MINDY1: variants seen among roughly 807,000 people sequenced by gnomAD.
MINDY1 encodes the protein ubiquitin carboxyl-terminal hydrolase MINDY-1.
MINDY1 carries 50 observed loss-of-function variants against 53.6 expected under a neutral mutation model. The ratio of observed to expected loss-of-function variants is 0.93; its 90% CI spans 0.74 to 1.18. The LOEUF (loss-of-function observed/expected upper bound fraction) is 1.18, where lower values mean the gene tolerates loss of function less well. Among genes scored for constraint, MINDY1 ranks in the 50% most tolerant of loss-of-function variants. The pLI is 0.00. For synonymous variants in MINDY1, 231 were observed against 234.7 expected, an observed-to-expected ratio of 0.98 and a Z score of 0.14; for missense variants, 484 against 578.6, an observed-to-expected ratio of 0.84 and a Z score of 1.68.
chr1:150,997,384 A>AG lies in MINDY1; in HGVS notation c.1330-18_1330-17insC. The stretch of plus-strand genomic sequence containing the variant: ...TCCTCTCCCCTGTATCGGATTTAAC[A>AG]ATTGGTCACTGAACTTCCTTGGAAG... On this transcript the variant is annotated splice_polypyrimidine_tract_variant and intron_variant, in intron 9 of 9. Coordinates refer to ENST00000683666, the MANE Select transcript of MINDY1 (RefSeq NM_001376665.1). 6.3e-7 allele frequency: 1 copy of AG among 1,590,624 alleles called. No homozygotes were observed. Among genetic ancestry groups the AG allele is most frequent in the Non-Finnish European group, 8.6e-7 (1 of 1,166,726 alleles).
rs1489677087 is a variant in MINDY1 at position 151,005,273 on chromosome 1, G to A, written c.-90+1039C>T. On this transcript the variant is annotated intron_variant, in intron 1 of 9. Coordinates refer to ENST00000683666, the MANE Select transcript of MINDY1 (RefSeq NM_001376665.1). ...TCAAGATCGGCCTGGCTAACATGGCGAAACCCCATCTCTACTAAAAATACA... is the reference window on the plus strand; with the variant it reads ...TCAAGATCGGCCTGGCTAACATGGCAAAACCCCATCTCTACTAAAAATACA... 2.0e-5 allele frequency among the ~76,000 whole-genome samples: 3 copies of A among 151,960 alleles called. No individual in the cohort carries two copies. The East Asian group carries it at 5.8e-4, about 29-fold the overall frequency.
chr1:150,997,367 C>T lies in MINDY1; in HGVS notation c.1330G>A (p.Gly444Arg), dbSNP rs1435356031. Residue 444 changes from glycine (G) to arginine (R), a missense_variant and splice_region_variant, in exon 10 of 10, where the codon GGG becomes AGG. Coordinates refer to ENST00000683666, the MANE Select transcript of MINDY1 (RefSeq NM_001376665.1). The part of the protein sequence containing the change: ...RMRTRVLSLQ[G>R]RGATSGRPAG... ...GGGCGTCCAGATGTGGCTCCTCTCCCCTGTATCGGATTTAACAATTGGTCA... is the reference window on the plus strand; with the variant it reads ...GGGCGTCCAGATGTGGCTCCTCTCCTCTGTATCGGATTTAACAATTGGTCA... 1 of 1,597,922 alleles carries T rather than the reference C, an allele frequency of 6.3e-7. No homozygotes were observed. Among genetic ancestry groups the T allele is most frequent in the Non-Finnish European group, 8.5e-7 (1 of 1,170,868 alleles).
In MINDY1 at chr1:150,997,684, C is replaced by T. The variant is rs746673413; in HGVS notation, c.1269G>A (p.Glu423=). The T allele has an allele frequency of 7.4e-6, 12 of 1,613,432 alleles. No homozygotes were observed. The highest frequency in any genetic ancestry group is 2.7e-5 in the African/African-American group (2 of 74,956). The change falls in exon 9 of 10, where the codon GAG becomes GAA. Residue 423 remains glutamate, a synonymous_variant. Transcript: ENST00000683666. Reference sequence around the variant, plus strand: ...GCTGCGCTGCCTGCTGCTGTTGATACTCCTCTTGCTGAAGCTGCTGGGCCA... The same window carrying T: ...GCTGCGCTGCCTGCTGCTGTTGATATTCCTCTTGCTGAAGCTGCTGGGCCA... ...LELAQQLQQE[E]YQQQQAAQPV...
rs1268390067 is a variant in MINDY1 at position 150,998,217 on chromosome 1, T to C, written c.1038A>G (p.Val346=). Residue 346 remains valine (V), a synonymous_variant, in exon 8 of 10, where the codon GTA becomes GTG. Coordinates refer to ENST00000683666, the MANE Select transcript of MINDY1 (RefSeq NM_001376665.1). ...CATCCACATTGTGCAGGCTCTCCCA[T>C]ACGACTTGCTCCTCCTGTAGAAAGC... ...DQGFLQEEQV[V]WESLHNVDGD... The C allele has an allele frequency of 3.1e-6, 5 of 1,614,178 alleles. No individual in the cohort carries two copies. Among genetic ancestry groups the C allele is most frequent in the Non-Finnish European group, 4.2e-6 (5 of 1,180,036 alleles).
intron 8 of MINDY1, 79 bp downstream of exon 8, chr1:150,998,003 C>CA (rs2102822378): frequency 6.9e-7 from 1 of 1,453,038 alleles, no homozygotes; most frequent in African/African-American, 1.4e-5. Flanking sequence ...CACATGGCCT[C>CA]TAGCAGTTAA....
chr1:151,008,317 G>A (rs1227774060), upstream of MINDY1: 2 of 1,310,206 alleles, frequency 1.5e-6, no homozygotes, highest in Non-Finnish European at 2.0e-6. Context: ...ACATTGCGGA[G>A]TTGCGGGACT....
At chr1:151,006,113 A>T (rs1340269619) in intron 1 of MINDY1, 199 bp downstream of exon 1, 2 of 1,551,464 alleles carry the variant, frequency 1.3e-6, no homozygotes, top group Non-Finnish European at 1.7e-6. Flanking sequence ...GGAGAGGGGG[A>T]AGGTTTCGTG....
chr1:151,008,147 G>T, upstream of MINDY1: 1 of 773,800 alleles, frequency 1.3e-6, no homozygotes, highest in Non-Finnish European at 1.6e-6. Context: ...CATTTAAAAT[G>T]TCACCAGATG....
chr1:151,002,760 T>A lies in MINDY1; in HGVS notation c.-89-54A>T. On this transcript the variant is annotated intron_variant, in intron 1 of 9. Coordinates refer to ENST00000683666, the MANE Select transcript of MINDY1 (RefSeq NM_001376665.1). This position sits in a 1 kb window ranked among gnomAD's most constrained non-coding sequence, Gnocchi z 4.1. Reference sequence around the variant, plus strand: ...TGGAAAGCAAACTAACCCAGAAAAGTCTTGGAAAAGGAATGTAGTGTAGAA... The same window carrying A: ...TGGAAAGCAAACTAACCCAGAAAAGACTTGGAAAAGGAATGTAGTGTAGAA... 6.7e-7 allele frequency: 1 copy of A among 1,502,982 alleles called. No homozygotes were observed. The allele number at this position is 1,502,982 out of a possible 1,614,324, so 93.1% of individuals were successfully genotyped here.
rs1183553007 is a variant in MINDY1 at position 150,999,348 on chromosome 1, C to T, written c.981+21G>A. On this transcript the variant is annotated intron_variant, in intron 7 of 9. Coordinates refer to ENST00000683666, the MANE Select transcript of MINDY1 (RefSeq NM_001376665.1). The surrounding 1 kb of genome is among the most constrained non-coding windows in gnomAD (Gnocchi z 4.4). ...CAGGAAATGACAGCACCGCAGCACG[C>T]CACCCCCAAACTCGCATTACCTTAT... 3 of 1,613,260 alleles carry T rather than the reference C, an allele frequency of 1.9e-6. No individual in the cohort carries two copies. In the Admixed American group the frequency reaches 5.0e-5, roughly 27 times the overall value.
Position 151,006,333 on chromosome 1 carries a change from C to A in MINDY1, c.-111G>T. 1 of 1,412,164 alleles carries A rather than the reference C, an allele frequency of 7.1e-7. No individual in the cohort carries two copies. The highest frequency in any genetic ancestry group is 9.2e-7 in the Non-Finnish European group (1 of 1,083,874). 87.5% of individuals were successfully genotyped at this position (1,412,164 alleles called of 1,614,324 possible). A position where few individuals can be genotyped will look rare whatever the true frequency, so the allele number is the denominator to read the frequency against. ...TTACCTTAAAGAAGGGGGTGCTGTTCCAAGATTGAGAAGGAGGGTTCAGCC... is the reference window on the plus strand; with the variant it reads ...TTACCTTAAAGAAGGGGGTGCTGTTACAAGATTGAGAAGGAGGGTTCAGCC... On this transcript the variant is annotated 5_prime_UTR_variant, in exon 1 of 10. Transcript: ENST00000683666.
intron 1 of MINDY1, 78 bp downstream of exon 1, chr1:151,006,234 T>A (rs1439357398): frequency 4.6e-6 from 7 of 1,528,214 alleles, no homozygotes; most frequent in Non-Finnish European, 8.8e-7. Context: ...ACAGCAGGTG[T>A]CAGCTCCCCA....
intron 7 of MINDY1, among the ~76,000 whole-genome samples, chr1:150,998,695 G>T (rs994317375): frequency 1.3e-5 from 2 of 152,168 alleles, no homozygotes; most frequent in African/African-American, 2.4e-5. Context: ...TGTGGCCTTG[G>T]GGGGAAGAAA....
At position 150,997,260 on chromosome 1, in the gene MINDY1, G is replaced by T; in HGVS notation, c.*27C>A. ...CTAGCCATAGCCTCTGGAAGAAGGG[G>T]CAGGCCAGCCTGGCACTGGGGCAGA... On this transcript the variant is annotated 3_prime_UTR_variant, in exon 10 of 10. Transcript: ENST00000683666. 3 of 1,566,178 alleles carry T rather than the reference G, an allele frequency of 1.9e-6. No individual in the cohort carries two copies. Among genetic ancestry groups the T allele is most frequent in the Non-Finnish European group, 2.6e-6 (3 of 1,153,562 alleles).
At chr1:150,998,655 C>T (rs1672161777) in intron 7 of MINDY1, among the ~76,000 whole-genome samples, 2 of 152,320 alleles carry the variant, frequency 1.3e-5, no homozygotes, top group Non-Finnish European at 1.5e-5. Flanking sequence ...CGCACCCGGA[C>T]CCTGAGCATG....
Position 151,004,472 on chromosome 1 carries a change from G to A in MINDY1, c.-89-1766C>T, listed in dbSNP as rs1037014779. 5.3e-5 allele frequency among the ~76,000 whole-genome samples: 8 copies of A among 151,588 alleles called. 1 individual carries two copies. Among genetic ancestry groups the A allele is most frequent in the Admixed American group, 3.9e-4 (6 of 15,194 alleles). On this transcript the variant is annotated intron_variant, in intron 1 of 9. Coordinates refer to ENST00000683666, the MANE Select transcript of MINDY1 (RefSeq NM_001376665.1). ...GGGCCAGGCGCGGTGGCTCACGCCT[G>A]TAATCCCAGCACTTTGAGAGGCTGA...
At position 150,999,762 on chromosome 1, in the gene MINDY1, A is replaced by C; in HGVS notation, c.838+100T>G. On this transcript the variant is annotated intron_variant, in intron 6 of 9. Transcript: ENST00000683666. The surrounding 1 kb of genome is among the most constrained non-coding windows in gnomAD (Gnocchi z 4.4). ...CCAAGCTCCTTCTTGTGAAGCTTAT[A>C]TCTAGTGGGATGTGGTAGGAGATGA... The C allele has an allele frequency of 8.8e-7, 1 of 1,138,806 alleles. No homozygotes were observed. Among genetic ancestry groups the C allele is most frequent in the Non-Finnish European group, 1.3e-6 (1 of 782,912 alleles). The allele number at this position is 1,138,806 out of a possible 1,614,324, so 70.5% of individuals were successfully genotyped here.
chr1:151,003,983 T>C (rs1319851633), intron 1 of MINDY1, among the ~76,000 whole-genome samples: 1 of 151,982 alleles, frequency 6.6e-6, no homozygotes, highest in Non-Finnish European at 1.5e-5. Flanking sequence ...AGTGCAATGG[T>C]GCGACCTCGG....
At chr1:151,003,968 G>T (rs1672850494) in intron 1 of MINDY1, among the ~76,000 whole-genome samples, 1 of 151,986 alleles carries the variant, frequency 6.6e-6, no homozygotes, top group East Asian at 1.9e-4. Flanking sequence ...TGTTGCCTAG[G>T]TTGGAGTGCA....
Sources: allele counts gnomAD v4.1 joint callset (sites outside exome capture counted in the v4.1 genomes callset), GRCh38; gene constraint gnomAD v4.1.1; non-coding constraint Gnocchi (gnomAD v3.1); transcripts MANE v1.5; gene names NCBI Gene and HGNC (gene_info 2026-07-23, HGNC 2026-07-21).